The following CRADD variants were observed in gnomAD, a reference collection of about 807,000 sequenced individuals.
CRADD encodes CARD and death domain containing adaptor protein.
CRADD carries 9 observed loss-of-function variants against 15.5 expected under a neutral mutation model. That is an observed-to-expected ratio of 0.58 (90% CI 0.35 to 1.01). The LOEUF (loss-of-function observed/expected upper bound fraction) is 1.01, where lower values mean the gene tolerates loss of function less well. CRADD is among the 50% of genes least tolerant of loss of function. CRADD has a pLI of 0.02. For synonymous variants in CRADD, 118 were observed against 107.6 expected (o/e 1.10, Z -0.60); for missense variants, 227 against 250.3 (o/e 0.91, Z 0.63).
chr12:93,782,863 C>T (rs996154337), intron 2 of CRADD, among the ~76,000 whole-genome samples: 7 of 151,916 alleles, frequency 4.6e-5, no homozygotes, highest in Admixed American at 1.3e-4. Flanking sequence ...AAAAAATACT[C>T]CTTCAAAAGA....
At chr12:93,840,795 G>A (rs1400785129) in intron 2 of CRADD, among the ~76,000 whole-genome samples, 3 of 151,892 alleles carry the variant, frequency 2.0e-5, no homozygotes, top group African/African-American at 4.8e-5. Context: ...TCGAACTCCC[G>A]ACCTAAGGTG....
At chr12:93,834,579 C>T (rs537164661) in intron 2 of CRADD, among the ~76,000 whole-genome samples, 22 of 152,152 alleles carry the variant, frequency 1.4e-4, no homozygotes, top group Admixed American at 2.6e-4. Context: ...ACCTCTACCT[C>T]CCAGGTTCAA....
intron 2 of CRADD, among the ~76,000 whole-genome samples, chr12:93,700,665 C>T (rs1424400995): frequency 2.0e-5 from 3 of 152,138 alleles, no homozygotes; most frequent in Non-Finnish European, 4.4e-5. Context: ...CTCCTGACCT[C>T]GTGATCTGCC....
At chr12:93,780,909 G>A (rs1957201648) in intron 2 of CRADD, among the ~76,000 whole-genome samples, 1 of 122,910 alleles carries the variant, frequency 8.1e-6, no homozygotes, top group Admixed American at 9.2e-5. Flanking sequence ...ACCATGCCCA[G>A]CTATTTTTTT....
intron 2 of CRADD, chr12:93,826,831 CAAGT>C (rs1337503946): frequency 6.6e-6 from 1 of 152,286 alleles, no homozygotes; most frequent in East Asian, 1.9e-4. Context: ...GGCTGGCAAG[CAAGT>C]GTTAGGTTGA....
At chr12:93,817,496 C>CA (rs1431499274) in intron 2 of CRADD, among the ~76,000 whole-genome samples, 1 of 152,110 alleles carries the variant, frequency 6.6e-6, no homozygotes, top group East Asian at 1.9e-4. Context: ...CCTCCAAGGT[C>CA]ACAGTGGCTG....
chr12:93,829,935 G>A (rs1286378762), intron 2 of CRADD, among the ~76,000 whole-genome samples: 2 of 152,094 alleles, frequency 1.3e-5, no homozygotes, highest in East Asian at 3.9e-4. Context: ...CAGGCAATCC[G>A]CCCACCTCGG....
intron 2 of CRADD, among the ~76,000 whole-genome samples, chr12:93,790,949 G>A (rs1361916682): frequency 3.0e-5 from 3 of 98,688 alleles, no homozygotes; most frequent in African/African-American, 1.4e-4. Context: ...ACTCTTGATA[G>A]TCCTACAGAT....
intron 2 of CRADD, among the ~76,000 whole-genome samples, chr12:93,699,849 G>A (rs1053992314): frequency 6.6e-6 from 1 of 152,200 alleles, no homozygotes; most frequent in African/African-American, 2.4e-5. Context: ...AAGCTAGAGA[G>A]CCCTTGTCCT....
intron 2 of CRADD, among the ~76,000 whole-genome samples, chr12:93,787,697 T>A (rs1388556517): frequency 6.6e-6 from 1 of 152,216 alleles, no homozygotes; most frequent in Non-Finnish European, 1.5e-5. Context: ...CATAGCTGAC[T>A]GTGATTATTC....
intron 2 of CRADD, among the ~76,000 whole-genome samples, chr12:93,886,817 T>A (rs1002686752): frequency 6.6e-6 from 1 of 152,172 alleles, no homozygotes; most frequent in African/African-American, 2.4e-5. Flanking sequence ...TTTATTATCA[T>A]AGAAAATCAT....
intron 2 of CRADD, among the ~76,000 whole-genome samples, chr12:93,684,161 C>T (rs1487298572): frequency 1.3e-5 from 2 of 152,120 alleles, no homozygotes; most frequent in Non-Finnish European, 2.9e-5. Flanking sequence ...GGCATTCATG[C>T]GTTCATCCAG....
intron 2 of CRADD, among the ~76,000 whole-genome samples, chr12:93,889,382 C>T (rs536759600): frequency 1.3e-5 from 2 of 152,264 alleles, no homozygotes; most frequent in Non-Finnish European, 2.9e-5. Flanking sequence ...CTTCTGACCA[C>T]ACTGTAATTC....
chr12:93,720,272 C>T (rs1388272611), intron 2 of CRADD, among the ~76,000 whole-genome samples: 1 of 151,940 alleles, frequency 6.6e-6, no homozygotes, highest in East Asian at 1.9e-4. Flanking sequence ...TATTTAAGTC[C>T]ATTGTGATCT....
chr12:93,853,878 C>T (rs776762520), downstream of CRADD, among the ~76,000 whole-genome samples: 1 of 152,148 alleles, frequency 6.6e-6, no homozygotes. Context: ...GTGGATGCGC[C>T]GTCATGTCTT....
chr12:93,843,489 C>T (rs1391583372), intron 2 of CRADD, among the ~76,000 whole-genome samples: 1 of 149,234 alleles, frequency 6.7e-6, no homozygotes, highest in East Asian at 2.0e-4. Flanking sequence ...AAACAATTCT[C>T]CTGCCTTAGC....
At position 93,785,491 on chromosome 12, in the gene CRADD, T is replaced by C. The variant is rs115077333; in HGVS notation, c.299-64479T>C. 2.8e-3 allele frequency among the ~76,000 whole-genome samples: 421 copies of C among 152,322 alleles called. 2 individuals carry two copies. Among genetic ancestry groups the C allele is most frequent in the African/African-American group, 9.6e-3 (397 of 41,570 alleles). ...TCAAAGATGCTCCACTGGGGCTTCC[T>C]TTGTAGCTTCTTTTCCCCTTCAGTA... On this transcript the variant is annotated intron_variant, in intron 2 of 2. Transcript: ENST00000332896.
At chr12:93,857,387 T>G (rs1280921599) in intron 2 of CRADD, among the ~76,000 whole-genome samples, 1 of 152,202 alleles carries the variant, frequency 6.6e-6, no homozygotes, top group Non-Finnish European at 1.5e-5. Context: ...ATCAAGGTCT[T>G]CAGCACGACT....
intron 2 of CRADD, among the ~76,000 whole-genome samples, chr12:93,861,323 G>A: frequency 6.6e-6 from 1 of 152,256 alleles, no homozygotes; most frequent in East Asian, 1.9e-4. Flanking sequence ...GAAGCAGGCA[G>A]ACCAGTGAGG....
Sources: allele counts gnomAD v4.1 joint callset (sites outside exome capture counted in the v4.1 genomes callset), GRCh38; gene constraint gnomAD v4.1.1; transcripts MANE v1.5; gene names NCBI Gene and HGNC (gene_info 2026-07-23, HGNC 2026-07-21).